Variants in PHACTR1 observed in about 807,000 individuals in gnomAD.
The protein encoded by PHACTR1 is RPEL repeat containing 1.
Under a neutral mutation model 69.2 loss-of-function variants are expected in PHACTR1, and 16 were observed. That is an observed-to-expected ratio of 0.23 (90% CI 0.16 to 0.35). The LOEUF (loss-of-function observed/expected upper bound fraction) is 0.35. Among genes scored for constraint, PHACTR1 ranks in the 10% least tolerant of loss-of-function variants. The pLI is 1.00. For missense variants in PHACTR1, 510 were observed against 734.7 expected (o/e 0.69, Z 3.54); for synonymous variants, 312 against 284.5 (o/e 1.10, Z -0.97).
At chr6:12,858,786 A>G (rs1561952148) in intron 4 of PHACTR1, among the ~76,000 whole-genome samples, 1 of 145,628 alleles carries the variant, frequency 6.9e-6, no homozygotes, top group Non-Finnish European at 1.5e-5. Flanking sequence ...TTTTTCTTAA[A>G]AAAAAGAGCC....
chr6:13,277,356 A>C (rs1163884367), intron 11 of PHACTR1, among the ~76,000 whole-genome samples: 1 of 152,076 alleles, frequency 6.6e-6, no homozygotes, highest in Non-Finnish European at 1.5e-5. Flanking sequence ...TGTATCCCAC[A>C]CTCTGGCCTC....
chr6:13,191,035 A>G (rs1011771554), intron 7 of PHACTR1, among the ~76,000 whole-genome samples: 4 of 151,886 alleles, frequency 2.6e-5, no homozygotes, highest in African/African-American at 9.7e-5. Context: ...GCTGCTGCGT[A>G]ATTTCATTAT....
At chr6:13,190,605 A>G (rs1452438521) in intron 7 of PHACTR1, among the ~76,000 whole-genome samples, 1 of 152,074 alleles carries the variant, frequency 6.6e-6, no homozygotes, top group African/African-American at 2.4e-5. Context: ...GTTTCAAAGA[A>G]CAGACCCAAA....
intron 4 of PHACTR1, among the ~76,000 whole-genome samples, chr6:12,909,164 T>A (rs1786082814): frequency 6.6e-6 from 1 of 152,188 alleles, no homozygotes; most frequent in African/African-American, 2.4e-5. Flanking sequence ...AAATTTTTTT[T>A]CTTAAAGACT....
intron 4 of PHACTR1, among the ~76,000 whole-genome samples, chr6:12,977,328 A>G (rs1327455817): frequency 6.6e-6 from 1 of 152,032 alleles, no homozygotes; most frequent in Non-Finnish European, 1.5e-5. Context: ...GGACGGCTAT[A>G]TATTGCTGCT....
At chr6:13,154,749 G>A (rs925103311) in intron 5 of PHACTR1, among the ~76,000 whole-genome samples, 12 of 150,596 alleles carry the variant, frequency 8.0e-5, no homozygotes, top group African/African-American at 1.5e-4. Context: ...GCCATCCGTC[G>A]GGCTGGTACA....
chr6:12,928,538 G>A (rs1166774792), intron 4 of PHACTR1, among the ~76,000 whole-genome samples: 5 of 152,078 alleles, frequency 3.3e-5, no homozygotes, highest in African/African-American at 9.7e-5. Flanking sequence ...TTCCTCTTCC[G>A]AGTTCACAGA....
At chr6:12,833,874 A>G (rs541359139) in intron 4 of PHACTR1, among the ~76,000 whole-genome samples, 1 of 152,012 alleles carries the variant, frequency 6.6e-6, no homozygotes, top group Non-Finnish European at 1.5e-5. Flanking sequence ...TCCTGCCCGT[A>G]CTTACCATGC....
At chr6:13,272,207 C>T (rs138275005) in intron 10 of PHACTR1, 3 of 152,552 alleles carry the variant, frequency 2.0e-5, no homozygotes, top group East Asian at 1.9e-4. Flanking sequence ...CTGCCTGTCC[C>T]GCCTCCACCC....
intron 4 of PHACTR1, among the ~76,000 whole-genome samples, chr6:13,000,588 A>G (rs1441136500): frequency 8.3e-6 from 1 of 120,416 alleles, no homozygotes. Context: ...GAGGGGGAGA[A>G]AGAGAAGAGA....
chr6:13,010,633 C>T (rs1040006382), intron 4 of PHACTR1, among the ~76,000 whole-genome samples: 20 of 152,236 alleles, frequency 1.3e-4, no homozygotes, highest in Non-Finnish European at 7.4e-5. Flanking sequence ...CTCTCAGGCA[C>T]CTGGGATCTG....
At chr6:13,053,573 C>A (rs1305693998) in intron 5 of PHACTR1, 44 bp downstream of exon 5, 1 of 1,586,720 alleles carries the variant, frequency 6.3e-7, no homozygotes, top group Non-Finnish European at 8.6e-7. Flanking sequence ...TGTTTGTTGC[C>A]TTCAACTCTA....
chr6:12,777,595 C>T (rs1185395504), intron 4 of PHACTR1, among the ~76,000 whole-genome samples: 1 of 148,694 alleles, frequency 6.7e-6, no homozygotes, highest in African/African-American at 2.5e-5. Context: ...CATAATATTC[C>T]ATGGTGTATA....
intron 4 of PHACTR1, among the ~76,000 whole-genome samples, chr6:12,923,275 A>C (rs1036708128): frequency 1.3e-5 from 2 of 152,238 alleles, no homozygotes; most frequent in African/African-American, 4.8e-5. Context: ...CAAAGGACCT[A>C]TGCTTTAATA....
At chr6:12,888,256 G>T (rs370261304) in intron 4 of PHACTR1, among the ~76,000 whole-genome samples, 5 of 151,870 alleles carry the variant, frequency 3.3e-5, no homozygotes, top group African/African-American at 1.2e-4. Context: ...TTGCCCTTTT[G>T]CTCCTTCTAC....
At chr6:13,229,418 G>A (rs2127323109) in intron 9 of PHACTR1, among the ~76,000 whole-genome samples, 1 of 152,124 alleles carries the variant, frequency 6.6e-6, no homozygotes, top group East Asian at 1.9e-4. Context: ...CAGCTGCTCA[G>A]AAATGCTGGG....
At chr6:13,102,672 G>A (rs1219384911) in intron 5 of PHACTR1, among the ~76,000 whole-genome samples, 2 of 152,128 alleles carry the variant, frequency 1.3e-5, no homozygotes, top group African/African-American at 2.4e-5. Flanking sequence ...CCTCAAGAAT[G>A]TACAAAATCA....
intron 4 of PHACTR1, among the ~76,000 whole-genome samples, chr6:13,003,593 T>A (rs12211090): frequency 0.012 from 1,883 of 152,236 alleles, 30 homozygotes; most frequent in Non-Finnish European, 0.022. Flanking sequence ...TTTTAAAAAA[T>A]TTTTTAATAG....
intron 6 of PHACTR1, among the ~76,000 whole-genome samples, chr6:13,176,241 A>G (rs566996606): frequency 1.3e-4 from 20 of 152,320 alleles, no homozygotes; most frequent in African/African-American, 4.8e-4. Context: ...TAAGTTCTAT[A>G]TCATGCCAGA....
Sources: allele counts gnomAD v4.1 joint callset (sites outside exome capture counted in the v4.1 genomes callset), GRCh38; gene constraint gnomAD v4.1.1; transcripts MANE v1.5; gene names NCBI Gene and HGNC (gene_info 2026-07-23, HGNC 2026-07-21).